OTULIN: variants seen among roughly 807,000 people sequenced by gnomAD.
The protein encoded by OTULIN is ubiquitin thioesterase otulin.
In OTULIN, 15 loss-of-function variants were observed where a neutral mutation model predicts 39.6. The observed-to-expected ratio is 0.38, with a 90% CI of 0.25 to 0.58. The LOEUF is 0.58. Among genes scored for constraint, OTULIN ranks in the 20% least tolerant of loss-of-function variants. OTULIN has a pLI of 0.66. For missense variants in OTULIN, 319 were observed against 445.9 expected (o/e 0.72, Z 2.56); for synonymous variants, 156 against 170.3 (o/e 0.92, Z 0.65).
In OTULIN at chr5:14,677,505, T is replaced by G. The variant is rs31927; in HGVS notation, c.230-1176T>G. Among the ~76,000 whole-genome samples the G allele has an allele frequency of 2.0e-5, 3 of 152,224 alleles. No individual in the cohort carries two copies. The East Asian group carries it at 5.8e-4, about 29-fold the overall frequency. ...GTCAAGATGTGCCTGAAAATTTACC[T>G]CCTTTTCTTCCTAAAACACACACAC... On this transcript the variant is annotated intron_variant, in intron 2 of 6. Transcript: ENST00000284274.
intron 3 of OTULIN, among the ~76,000 whole-genome samples, chr5:14,680,539 A>AT (rs1282653366): frequency 6.6e-6 from 1 of 152,050 alleles, no homozygotes; most frequent in Non-Finnish European, 1.5e-5. Flanking sequence ...GGTCAGGGAG[A>AT]TGGTGGGCAG....
intron 6 of OTULIN, among the ~76,000 whole-genome samples, chr5:14,691,003 C>T (rs1736511526): frequency 6.6e-6 from 1 of 152,278 alleles, no homozygotes; most frequent in Admixed American, 6.5e-5. Flanking sequence ...ATGGAGTCAC[C>T]TTAGCCAGTA....
chr5:14,693,131 C>CT lies in OTULIN; in HGVS notation c.*84dup. On this transcript the variant is annotated 3_prime_UTR_variant, in exon 7 of 7. Transcript: ENST00000284274. ...GCTTGGGCTGCAGGTTTGGGGGTCT[C>CT]TAAGAACAATCTCTGAGAAGAACCC... 1 of 1,346,012 alleles carries CT rather than the reference C, an allele frequency of 7.4e-7. No homozygotes were observed. Among genetic ancestry groups the CT allele is most frequent in the Non-Finnish European group, 1.0e-6 (1 of 987,290 alleles). 83.4% of individuals were successfully genotyped at this position (1,346,012 alleles called of 1,614,324 possible). A position where few individuals can be genotyped will look rare whatever the true frequency, so the allele number is the denominator to read the frequency against.
chr5:14,700,506 G>A (rs191732030), downstream of OTULIN, among the ~76,000 whole-genome samples: 8 of 151,966 alleles, frequency 5.3e-5, no homozygotes, highest in Non-Finnish European at 1.0e-4. Context: ...GGGGTGAGCC[G>A]GCCAAGGCAC....
At position 14,699,376 on chromosome 5, in the gene OTULIN, C is replaced by T. The variant is rs747562837; in HGVS notation, c.*6328C>T. The stretch of plus-strand genomic sequence containing the variant: ...AGTCTTGCAAGATGGAGCTGGGCTT[C>T]TGAAGAACCCAGTGGGTAGGTACTG... On this transcript the variant is annotated 3_prime_UTR_variant, in exon 7 of 7. Transcript: ENST00000284274. 1 of 152,184 alleles carries T rather than the reference C, an allele frequency of 6.6e-6. No individual in the cohort carries two copies. The highest frequency in any genetic ancestry group is 1.5e-5 in the Non-Finnish European group (1 of 68,056). The allele number at this position is 152,184 out of a possible 1,614,324, so 9.4% of individuals were successfully genotyped here.
At chr5:14,689,853 A>G (rs1180451136) in intron 5 of OTULIN, among the ~76,000 whole-genome samples, 186 bp from the exon 6 acceptor site, 2 of 152,230 alleles carry the variant, frequency 1.3e-5, no homozygotes, top group Non-Finnish European at 2.9e-5. Flanking sequence ...AATGGGAGAA[A>G]AAGCTGAATA....
At chr5:14,710,698 T>C in the OTULIN span, 2 of 176,832 alleles carry the variant, frequency 1.1e-5, no homozygotes, top group Admixed American at 1.1e-4. Context: ...GAAGGGAAAT[T>C]TAAGAGGCCA....
chr5:14,714,239 G>A, the OTULIN span, among the ~76,000 whole-genome samples: 3 of 152,144 alleles, frequency 2.0e-5, no homozygotes, highest in African/African-American at 4.8e-5. Context: ...GTGGGCCCTC[G>A]TTGGTGTGCT....
At chr5:14,684,359 T>C (rs1175312500) in intron 4 of OTULIN, among the ~76,000 whole-genome samples, 5 of 152,284 alleles carry the variant, frequency 3.3e-5, no homozygotes, top group African/African-American at 1.2e-4. Context: ...GAAAACTTGC[T>C]TTACCCAGTT....
chr5:14,712,019 C>T, the OTULIN span, among the ~76,000 whole-genome samples: 1 of 152,228 alleles, frequency 6.6e-6, no homozygotes, highest in African/African-American at 2.4e-5. Context: ...GTCCTGTCTC[C>T]CCTCTTTCCT....
Position 14,694,300 on chromosome 5 carries a change from C to T in OTULIN, c.*1252C>T, listed in dbSNP as rs1323760690. 1 of 152,256 alleles carries T rather than the reference C, an allele frequency of 6.6e-6. No homozygotes were observed. Among genetic ancestry groups the T allele is most frequent in the Non-Finnish European group, 1.5e-5 (1 of 68,088 alleles). 9.4% of individuals were successfully genotyped at this position (152,256 alleles called of 1,614,324 possible). ...TGCCCAATCAGGCTAAGGGTGGTGA[C>T]TGGGGTGGTGAAGGGGCAGCTCTGC... On this transcript the variant is annotated 3_prime_UTR_variant, in exon 7 of 7. Transcript: ENST00000284274.
At chr5:14,676,341 A>G (rs1579964718) in intron 2 of OTULIN, among the ~76,000 whole-genome samples, 1 of 152,230 alleles carries the variant, frequency 6.6e-6, no homozygotes, top group Non-Finnish European at 1.5e-5. Context: ...TTTGAACTCC[A>G]TAAGCTGCTC....
chr5:14,703,480 C>A (rs2126366953), downstream of OTULIN, among the ~76,000 whole-genome samples: 1 of 152,096 alleles, frequency 6.6e-6, no homozygotes, highest in South Asian at 2.1e-4. Flanking sequence ...GGCAGAGATA[C>A]CAGGGGGCAG....
At chr5:14,666,578 T>G (rs1560989520) in intron 1 of OTULIN, among the ~76,000 whole-genome samples, 1 of 152,052 alleles carries the variant, frequency 6.6e-6, no homozygotes, top group Non-Finnish European at 1.5e-5. Flanking sequence ...CAACTTCACT[T>G]TTTTTCCCCC....
At position 14,673,638 on chromosome 5, in the gene OTULIN, T is replaced by C. The variant is rs753808039; in HGVS notation, c.153-4T>C. ...TGAAAATGTCTGCTTTGGTGTAATTTCAGTGAGGAGGACATGTACCGTGCT... is the reference window on the plus strand; with the variant it reads ...TGAAAATGTCTGCTTTGGTGTAATTCCAGTGAGGAGGACATGTACCGTGCT... On this transcript the variant is annotated splice_region_variant and splice_polypyrimidine_tract_variant and intron_variant, in intron 1 of 6. Coordinates refer to ENST00000284274, the MANE Select transcript of OTULIN (RefSeq NM_138348.6). 29 of 1,611,556 alleles carry C rather than the reference T, an allele frequency of 1.8e-5. No homozygotes were observed. The highest frequency in any genetic ancestry group is 2.3e-5 in the Non-Finnish European group (27 of 1,179,138).
At chr5:14,673,345 A>G (rs888193014) in intron 1 of OTULIN, among the ~76,000 whole-genome samples, 1 of 152,238 alleles carries the variant, frequency 6.6e-6, no homozygotes. Flanking sequence ...GTCTAGATAT[A>G]TAGTTGAGGC....
Position 14,690,091 on chromosome 5 carries a change from A to G in OTULIN, c.647A>G (p.Asp216Gly), listed in dbSNP as rs1736486210. ...RTAEARQIAC[D>G]ELFTNEAEEY... ...GCTGAAGCAAGACAGATAGCTTGTG[A>G]TGAACTATTCACAAATGAGGCGGAG... is the stretch of plus-strand genomic sequence containing the variant. The change falls in exon 6 of 7, where the codon GAT becomes GGT. Residue 216 changes from aspartate (D) to glycine (G), a missense_variant. Transcript: ENST00000284274. This position sits in a 1 kb window ranked among gnomAD's most constrained non-coding sequence, Gnocchi z 4.5. The G allele has an allele frequency of 6.2e-7, 1 of 1,614,236 alleles. No homozygotes were observed. The highest frequency in any genetic ancestry group is 2.2e-5 in the East Asian group (1 of 44,888).
intron 6 of OTULIN, among the ~76,000 whole-genome samples, chr5:14,691,608 T>C (rs947269983): frequency 7.2e-5 from 11 of 152,146 alleles, no homozygotes; most frequent in African/African-American, 2.7e-4. Context: ...CTTTTTTTTT[T>C]TTTTCAATAA....
the OTULIN span, chr5:14,712,894 A>G: frequency 1.9e-6 from 3 of 1,611,960 alleles, no homozygotes; most frequent in African/African-American, 1.3e-5. Flanking sequence ...TAGACATAGC[A>G]CGCAGCGATG....
Sources: allele counts gnomAD v4.1 joint callset (sites outside exome capture counted in the v4.1 genomes callset), GRCh38; gene constraint gnomAD v4.1.1; non-coding constraint Gnocchi (gnomAD v3.1); transcripts MANE v1.5; gene names NCBI Gene and HGNC (gene_info 2026-07-23, HGNC 2026-07-21).